The following MECOM variants were observed in gnomAD, a reference collection of about 807,000 sequenced individuals.
MECOM encodes MDS1 and EVI1 complex locus, also known as histone-lysine N-methyltransferase MECOM.
MECOM carries 13 observed loss-of-function variants against 116.3 expected under a neutral mutation model. The ratio of observed to expected loss-of-function variants is 0.11; its 90% confidence interval spans 0.07 to 0.18. The LOEUF is 0.18. Among genes scored for constraint, MECOM ranks in the 10% least tolerant of loss-of-function variants. The pLI is 1.00. For synonymous variants in MECOM, 528 were observed against 535.2 expected (o/e 0.99, Z 0.19); for missense variants, 1,299 against 1,509.0 (o/e 0.86, Z 2.31).
intron 2 of MECOM, among the ~76,000 whole-genome samples, chr3:169,285,722 C>T (rs1713150211): frequency 6.6e-6 from 1 of 152,184 alleles, no homozygotes; most frequent in Admixed American, 6.5e-5. Flanking sequence ...AGATAGGCTG[C>T]ACAATCCGTA....
intron 1 of MECOM, among the ~76,000 whole-genome samples, chr3:169,508,427 AAG>A (rs1487025260): frequency 1.3e-5 from 2 of 152,112 alleles, no homozygotes; most frequent in Non-Finnish European, 1.5e-5. Flanking sequence ...AAAAAGACAA[AAG>A]AGTTATTTTC....
intron 1 of MECOM, among the ~76,000 whole-genome samples, chr3:169,443,791 T>G (rs1744132751): frequency 6.6e-6 from 1 of 152,202 alleles, no homozygotes; most frequent in East Asian, 1.9e-4. Context: ...GCTTTCATTT[T>G]AGCAATCGCT....
intron 2 of MECOM, among the ~76,000 whole-genome samples, chr3:169,270,213 G>A (rs1164720523): frequency 1.3e-5 from 2 of 152,172 alleles, no homozygotes; most frequent in African/African-American, 2.4e-5. Flanking sequence ...ATTTTTAAAT[G>A]ATGGGTTGGT....
chr3:169,408,693 A>G (rs1162342254), intron 1 of MECOM, among the ~76,000 whole-genome samples: 1 of 152,200 alleles, frequency 6.6e-6, no homozygotes, highest in Non-Finnish European at 1.5e-5. Context: ...GAAATAGTAA[A>G]AAGAGCAGGC....
intron 2 of MECOM, among the ~76,000 whole-genome samples, chr3:169,351,456 C>A (rs577098012): frequency 6.6e-6 from 1 of 151,884 alleles, no homozygotes; most frequent in East Asian, 1.9e-4. Flanking sequence ...GAGAACTATT[C>A]ATTATGCTAA....
intron 1 of MECOM, among the ~76,000 whole-genome samples, chr3:169,471,307 T>C (rs1749196247): frequency 6.6e-6 from 1 of 152,114 alleles, no homozygotes; most frequent in Admixed American, 6.5e-5. Flanking sequence ...GTCTCTTTTT[T>C]TTAAATCTCT....
chr3:169,481,413 C>T (rs765502493), intron 1 of MECOM, among the ~76,000 whole-genome samples: 66 of 151,960 alleles, frequency 4.3e-4, no homozygotes, highest in Non-Finnish European at 8.8e-4. Flanking sequence ...ATTAGCTGGA[C>T]ATTTTGGTAC....
intron 2 of MECOM, among the ~76,000 whole-genome samples, chr3:169,305,013 C>T (rs1447611652): frequency 2.0e-5 from 3 of 152,114 alleles, no homozygotes; most frequent in Admixed American, 2.0e-4. Context: ...ATTCTTTCAC[C>T]AGTAAATTTA....
At chr3:169,136,589 T>C (rs748723488) in intron 3 of MECOM, among the ~76,000 whole-genome samples, 20 of 152,162 alleles carry the variant, frequency 1.3e-4, no homozygotes, top group Non-Finnish European at 2.5e-4. Flanking sequence ...TCAGTCTAAC[T>C]CTGTTTTATA....
At chr3:169,349,118 G>T (rs1725867091) in intron 2 of MECOM, among the ~76,000 whole-genome samples, 1 of 137,486 alleles carries the variant, frequency 7.3e-6, no homozygotes, top group African/African-American at 2.8e-5. Context: ...CTTCTTAGAC[G>T]CATTTGGTAA....
intron 2 of MECOM, among the ~76,000 whole-genome samples, chr3:169,194,945 G>A (rs1748221514): frequency 6.6e-6 from 1 of 152,054 alleles, no homozygotes; most frequent in African/African-American, 2.4e-5. Flanking sequence ...CTACAAGAGA[G>A]ATGAAGGACT....
At chr3:169,576,796 TACACACACACACACAC>T (rs373881811) in intron 1 of MECOM, among the ~76,000 whole-genome samples, 7,991 of 136,580 alleles carry the variant, frequency 0.059, 450 homozygotes, top group African/African-American at 0.15. Flanking sequence ...CTTCCTGTTT[TACACACACACACACAC>T]ACACACACAC....
At chr3:169,183,164 G>A (rs1394246401) in intron 2 of MECOM, among the ~76,000 whole-genome samples, 1 of 152,202 alleles carries the variant, frequency 6.6e-6, no homozygotes, top group Admixed American at 6.5e-5. Context: ...ACAAAGGCAA[G>A]TTGTTGCTGT....
chr3:169,102,914 T>A (rs561186741), intron 10 of MECOM, among the ~76,000 whole-genome samples: 2 of 152,110 alleles, frequency 1.3e-5, no homozygotes, highest in Non-Finnish European at 2.9e-5. Context: ...TCATATAACA[T>A]AACTTGGCAT....
chr3:169,370,397 C>T (rs1363301486), intron 2 of MECOM, among the ~76,000 whole-genome samples: 1 of 151,920 alleles, frequency 6.6e-6, no homozygotes, highest in African/African-American at 2.4e-5. Context: ...AAGACTTAAA[C>T]CTACAACCTG....
chr3:169,122,425 A>T (rs989404236), intron 6 of MECOM, among the ~76,000 whole-genome samples, 155 bp downstream of exon 6: 1 of 152,318 alleles, frequency 6.6e-6, no homozygotes, highest in African/African-American at 2.4e-5. Context: ...TATACACTCT[A>T]CTAATGCCTT....
chr3:169,265,392 A>G (rs1758140044), intron 2 of MECOM, among the ~76,000 whole-genome samples: 1 of 152,228 alleles, frequency 6.6e-6, no homozygotes. Flanking sequence ...TATTTGCAAT[A>G]TCCTTCTCTA....
At chr3:169,263,393 G>T (rs1001688939) in intron 2 of MECOM, among the ~76,000 whole-genome samples, 4 of 151,532 alleles carry the variant, frequency 2.6e-5, no homozygotes, top group Non-Finnish European at 5.9e-5. Context: ...CTCCCAAAGT[G>T]CTGGGATTAC....
chr3:169,134,872 A>G (rs1361103040), intron 3 of MECOM, among the ~76,000 whole-genome samples: 15 of 152,184 alleles, frequency 9.9e-5, no homozygotes. Flanking sequence ...TGTAGCCCTG[A>G]AACAATATAG....
Sources: allele counts gnomAD v4.1 joint callset (sites outside exome capture counted in the v4.1 genomes callset), GRCh38; gene constraint gnomAD v4.1.1; transcripts MANE v1.5; gene names NCBI Gene and HGNC (gene_info 2026-07-23, HGNC 2026-07-21).